The following ST7 variants were observed in gnomAD, a reference collection of about 807,000 sequenced individuals.
ST7 encodes the protein suppression of tumorigenicity 7.
A neutral mutation model predicts 78.7 loss-of-function variants in ST7; 28 were observed. The ratio of observed to expected loss-of-function variants is 0.36; its 90% CI spans 0.26 to 0.49. The LOEUF (loss-of-function observed/expected upper bound fraction) is 0.49, where lower values mean the gene tolerates loss of function less well. Among genes scored for constraint, ST7 ranks in the 20% least tolerant of loss-of-function variants. ST7 has a pLI of 0.99. For synonymous variants in ST7, 247 were observed against 249.6 expected, an observed-to-expected ratio of 0.99 and a Z score of 0.10; for missense variants, 418 against 696.0, an observed-to-expected ratio of 0.60 and a Z score of 4.49.
intron 1 of ST7, among the ~76,000 whole-genome samples, chr7:117,043,191 C>T (rs193138360): frequency 1.1e-3 from 171 of 152,296 alleles, no homozygotes; most frequent in Non-Finnish European, 1.4e-3. Context: ...TACTTCCTCA[C>T]GTCTGATTAC....
At chr7:117,125,414 C>A (rs969888549) in intron 3 of ST7, among the ~76,000 whole-genome samples, 3 of 152,004 alleles carry the variant, frequency 2.0e-5, no homozygotes, top group Admixed American at 6.6e-5. Flanking sequence ...TTACTTATAT[C>A]TTTTGTTATT....
intron 9 of ST7, among the ~76,000 whole-genome samples, chr7:117,157,453 T>C (rs1324715993): frequency 6.6e-6 from 1 of 152,124 alleles, no homozygotes; most frequent in African/African-American, 2.4e-5. Context: ...AAGAGCAGTG[T>C]GTAGATGAAT....
chr7:117,060,835 G>T (rs1219674392), intron 1 of ST7, among the ~76,000 whole-genome samples: 1 of 152,038 alleles, frequency 6.6e-6, no homozygotes, highest in East Asian at 1.9e-4. Flanking sequence ...GTGAAACTTG[G>T]TCTCTACTAA....
At chr7:117,133,412 T>C (rs1349739065) in intron 6 of ST7, among the ~76,000 whole-genome samples, 4 of 151,934 alleles carry the variant, frequency 2.6e-5, no homozygotes, top group Non-Finnish European at 1.5e-5. Flanking sequence ...TTACCCATTT[T>C]AGAGTTTAAT....
rs189877168 is a variant in ST7, at chr7:117,039,246, C to T, written c.152-60516C>T. The stretch of plus-strand genomic sequence containing the variant: ...ACTTTAAGATACCTGCTTCCTATTA[C>T]CAGGTTATGTTGGAAATTTGTACTT... On this transcript the variant is annotated intron_variant, in intron 1 of 15. Coordinates refer to ENST00000323984, the MANE Select transcript of ST7 (RefSeq NM_001369598.1). Among the ~76,000 whole-genome samples, 39 of 152,176 alleles carry T rather than the reference C, an allele frequency of 2.6e-4. No individual in the cohort carries two copies. The East Asian group carries it at 2.7e-3, about 11-fold the overall frequency.
In ST7 at chr7:117,097,093, A is replaced by G. The variant is rs111527564; in HGVS notation, c.152-2669A>G. On this transcript the variant is annotated intron_variant, in intron 1 of 15. Transcript: ENST00000323984. Reference sequence around the variant, plus strand: ...ATTAAATCTTGAGTCTTTTGCCTCCAGTGGATCAGTGATTTTTCAGCAGAA... The same window carrying G: ...ATTAAATCTTGAGTCTTTTGCCTCCGGTGGATCAGTGATTTTTCAGCAGAA... Among the ~76,000 whole-genome samples, 417 of 151,886 alleles carry G rather than the reference A, an allele frequency of 2.7e-3. 1 individual carries two copies. The highest frequency in any genetic ancestry group is 9.3e-3 in the African/African-American group (384 of 41,402).
chr7:117,208,694 C>G (rs1213875869), intron 12 of ST7, among the ~76,000 whole-genome samples: 1 of 152,220 alleles, frequency 6.6e-6, no homozygotes, highest in African/African-American at 2.4e-5. Flanking sequence ...CAGGACTCTT[C>G]TACCTTTCAC....
intron 1 of ST7, chr7:116,968,281 C>CCTTCCT (rs1793233409): frequency 7.8e-5 from 2 of 25,502 alleles, no homozygotes; most frequent in African/African-American, 3.3e-4. Flanking sequence ...CCCTCCCTCC[C>CCTTCCT]TCCCTCCCTC....
chr7:117,035,383 G>A (rs1315709440), intron 1 of ST7, among the ~76,000 whole-genome samples: 1 of 151,992 alleles, frequency 6.6e-6, no homozygotes, highest in Non-Finnish European at 1.5e-5. Flanking sequence ...GATTTCTTTT[G>A]TCAGTAGACT....
chr7:117,124,301 A>T (rs1293475171), intron 3 of ST7, among the ~76,000 whole-genome samples: 2 of 152,132 alleles, frequency 1.3e-5, no homozygotes, highest in African/African-American at 2.4e-5. Flanking sequence ...GTCTCTTGTA[A>T]TCCTCACAAT....
intron 12 of ST7, among the ~76,000 whole-genome samples, chr7:117,208,810 T>G (rs1792015606): frequency 6.6e-6 from 1 of 152,148 alleles, no homozygotes; most frequent in Non-Finnish European, 1.5e-5. Context: ...TCCATATCCC[T>G]CTGTAGTCTA....
At chr7:117,066,498 A>G (rs533448286) in intron 1 of ST7, among the ~76,000 whole-genome samples, 2 of 152,292 alleles carry the variant, frequency 1.3e-5, no homozygotes, top group South Asian at 4.1e-4. Flanking sequence ...GTGGTGGCTA[A>G]CGCCTGTAAT....
At position 116,967,394 on chromosome 7, in the gene ST7, C is replaced by T. The variant is rs189373291; in HGVS notation, c.151+13703C>T. On this transcript the variant is annotated intron_variant, in intron 1 of 15. Coordinates refer to ENST00000323984, the MANE Select transcript of ST7 (RefSeq NM_001369598.1). ...TGCTTAGGACTGCTGTCCCCTCTCC[C>T]TGCCTTACCAGTTCCTATTGTGGAC... The T allele has an allele frequency of 4.7e-5, 22 of 471,268 alleles. 1 individual carries two copies. The East Asian group carries it at 1.4e-3, about 30-fold the overall frequency. The allele number at this position is 471,268 out of a possible 1,614,324, so 29.2% of individuals were successfully genotyped here. A position where few individuals can be genotyped will look rare whatever the true frequency, so the allele number is the denominator to read the frequency against.
At position 117,082,945 on chromosome 7, in the gene ST7, C is replaced by T. The variant is rs139212688; in HGVS notation, c.152-16817C>T. ...GTCTGGTGTGTTGGTTAAATAGTCG[C>T]TCTGTTTGTAATACCATACATATCT... On this transcript the variant is annotated intron_variant, in intron 1 of 15. Coordinates refer to ENST00000323984, the MANE Select transcript of ST7 (RefSeq NM_001369598.1). 2.0e-5 allele frequency among the ~76,000 whole-genome samples: 3 copies of T among 152,316 alleles called. No individual in the cohort carries two copies. The East Asian group carries it at 5.8e-4, about 29-fold the overall frequency.
chr7:117,062,181 C>A (rs1366298345), intron 1 of ST7, among the ~76,000 whole-genome samples: 2 of 152,148 alleles, frequency 1.3e-5, no homozygotes, highest in Admixed American at 1.3e-4. Flanking sequence ...GGGCACTAAT[C>A]CCATTATGAG....
At chr7:117,065,698 C>T (rs1048652404) in intron 1 of ST7, among the ~76,000 whole-genome samples, 2 of 152,198 alleles carry the variant, frequency 1.3e-5, no homozygotes, top group Admixed American at 6.5e-5. Context: ...TCCTTCAGAG[C>T]ACAGCAGTGG....
intron 1 of ST7, among the ~76,000 whole-genome samples, chr7:117,068,267 A>C (rs566339158): frequency 6.6e-6 from 1 of 152,052 alleles, no homozygotes; most frequent in East Asian, 1.9e-4. Flanking sequence ...ATTTTATAAG[A>C]AGCATTTCCT....
chr7:117,168,254 G>T (rs1807717888), intron 9 of ST7, among the ~76,000 whole-genome samples: 1 of 152,170 alleles, frequency 6.6e-6, no homozygotes, highest in African/African-American at 2.4e-5. Flanking sequence ...TTGGAACTGG[G>T]TGAGACCTCA....
rs572151032 is a variant in ST7 at position 117,214,372 on chromosome 7, T to C, written c.1405+4435T>C. On this transcript the variant is annotated intron_variant, in intron 13 of 15. Coordinates refer to ENST00000323984, the MANE Select transcript of ST7 (RefSeq NM_001369598.1). ...AGGGGAACTAAGGCAGAGTATTTCC[T>C]TTGAGAGGGGAAAATGGCCCATTGT... Among the ~76,000 whole-genome samples, 328 of 152,274 alleles carry C rather than the reference T, an allele frequency of 2.2e-3. 2 individuals are homozygous for C. Among genetic ancestry groups the C allele is most frequent in the African/African-American group, 7.5e-3 (311 of 41,562 alleles).
Sources: allele counts gnomAD v4.1 joint callset (sites outside exome capture counted in the v4.1 genomes callset), GRCh38; gene constraint gnomAD v4.1.1; transcripts MANE v1.5; gene names NCBI Gene and HGNC (gene_info 2026-07-23, HGNC 2026-07-21).